GLI3: variants seen among roughly 807,000 people sequenced by gnomAD.
GLI3 encodes transcription activator GLI3.
In GLI3, 20 loss-of-function variants were observed where a neutral mutation model predicts 100.8. The ratio of observed to expected loss-of-function variants is 0.20; its 90% confidence interval spans 0.14 to 0.29. The LOEUF is 0.29. Among genes scored for constraint, GLI3 ranks in the 10% least tolerant of loss-of-function variants. GLI3 has a pLI of 1.00. For missense variants in GLI3, 2,040 were observed against 2,128.5 expected, an observed-to-expected ratio of 0.96 and a Z score of 0.82; for synonymous variants, 938 against 860.5, an observed-to-expected ratio of 1.09 and a Z score of -1.58.
chr7:42,165,985 G>A (rs990344668), intron 2 of GLI3, among the ~76,000 whole-genome samples: 1 of 152,242 alleles, frequency 6.6e-6, no homozygotes. Flanking sequence ...TAAAAGTTAC[G>A]GTGTTCCGTA....
chr7:42,182,664 A>ATATATATATACATGTGTGTGTGTG (rs1787629075), intron 2 of GLI3, among the ~76,000 whole-genome samples: 1 of 78,328 alleles, frequency 1.3e-5, no homozygotes, highest in Non-Finnish European at 2.5e-5. Context: ...ATATATATAT[A>ATATATATATACATGTGTGTGTGTG]TATATATATA....
intron 3 of GLI3, among the ~76,000 whole-genome samples, chr7:42,128,725 G>T (rs1302713303): frequency 6.6e-6 from 1 of 152,172 alleles, no homozygotes; most frequent in Non-Finnish European, 1.5e-5. Context: ...TGGTATGTCA[G>T]TATTTTTTTT....
chr7:42,215,767 C>A (rs765854592), intron 2 of GLI3, among the ~76,000 whole-genome samples: 2 of 152,138 alleles, frequency 1.3e-5, no homozygotes, highest in Non-Finnish European at 2.9e-5. Flanking sequence ...CCAACTTGTG[C>A]CAATTTCAGG....
chr7:42,072,360 A>G (rs2128750606), intron 4 of GLI3, among the ~76,000 whole-genome samples: 1 of 152,350 alleles, frequency 6.6e-6, no homozygotes, highest in African/African-American at 2.4e-5. Flanking sequence ...CCCAAGAAAA[A>G]TCCAAAATGA....
chr7:42,037,148 A>C (rs968281411), intron 7 of GLI3, among the ~76,000 whole-genome samples: 2 of 150,594 alleles, frequency 1.3e-5, no homozygotes, highest in South Asian at 4.2e-4. Context: ...CTCAAAAAAA[A>C]ATAATAATAA....
intron 10 of GLI3, among the ~76,000 whole-genome samples, chr7:42,017,160 A>G (rs1283231067): frequency 6.6e-6 from 1 of 152,242 alleles, no homozygotes; most frequent in Non-Finnish European, 1.5e-5. Flanking sequence ...GCTATAGGCA[A>G]GCATATTCAA....
chr7:42,040,327 A>G, intron 6 of GLI3, 88 bp from the exon 7 acceptor site: 2 of 998,718 alleles, frequency 2.0e-6, no homozygotes, highest in South Asian at 2.7e-5. Context: ...GGAAGAAGTG[A>G]AGGATAAGAA....
chr7:41,985,866 G>A (rs1000569154), intron 10 of GLI3, among the ~76,000 whole-genome samples: 1 of 152,142 alleles, frequency 6.6e-6, no homozygotes, highest in African/African-American at 2.4e-5. Flanking sequence ...ATATCAATGT[G>A]CACTTTAATT....
At chr7:42,206,291 CAAT>C (rs200574285) in intron 2 of GLI3, among the ~76,000 whole-genome samples, 1,918 of 150,446 alleles carry the variant, frequency 0.013, 21 homozygotes, top group African/African-American at 0.035. Flanking sequence ...ATAATAATAA[CAAT>C]AATAATAATA....
At chr7:41,992,368 C>T (rs1020274814) in intron 10 of GLI3, among the ~76,000 whole-genome samples, 2 of 152,152 alleles carry the variant, frequency 1.3e-5, no homozygotes, top group African/African-American at 2.4e-5. Flanking sequence ...GACGATTACC[C>T]TTCTGTGTGG....
intron 2 of GLI3, among the ~76,000 whole-genome samples, chr7:42,155,396 G>A (rs761297702): frequency 2.7e-4 from 40 of 148,888 alleles, no homozygotes; most frequent in Non-Finnish European, 5.5e-4. Flanking sequence ...CCAAGATCAC[G>A]CCATTGCACT....
At chr7:42,182,861 C>T (rs954211056) in intron 2 of GLI3, among the ~76,000 whole-genome samples, 6 of 151,456 alleles carry the variant, frequency 4.0e-5, no homozygotes, top group South Asian at 2.1e-4. Flanking sequence ...GTGCGCAGAT[C>T]GTTTGAGGCC....
chr7:42,023,210 G>C (rs562968965), intron 10 of GLI3, among the ~76,000 whole-genome samples: 3 of 152,190 alleles, frequency 2.0e-5, no homozygotes, highest in African/African-American at 7.2e-5. Flanking sequence ...ACTCAAAATA[G>C]TGTTTTCTGG....
chr7:42,040,927 C>G (rs1236471986), intron 6 of GLI3, among the ~76,000 whole-genome samples: 1 of 152,014 alleles, frequency 6.6e-6, no homozygotes, highest in African/African-American at 2.4e-5. Flanking sequence ...AAGAATGCTG[C>G]AGAACACCCT....
chr7:42,026,572 A>C (rs1000468399), intron 7 of GLI3, among the ~76,000 whole-genome samples, 160 bp from the exon 8 acceptor site: 5 of 152,264 alleles, frequency 3.3e-5, no homozygotes, highest in African/African-American at 1.2e-4. Context: ...AACTTCTAAG[A>C]GAAAGATGAA....
intron 3 of GLI3, among the ~76,000 whole-genome samples, chr7:42,077,384 T>TTA (rs35245217): frequency 0.46 from 68,861 of 149,228 alleles, 16,034 homozygotes; most frequent in East Asian, 0.54. Context: ...TTTTTTTTTT[T>TTA]AACTTAAATA....
intron 10 of GLI3, among the ~76,000 whole-genome samples, chr7:41,979,337 A>G (rs1241305813): frequency 6.6e-6 from 1 of 152,240 alleles, no homozygotes; most frequent in Non-Finnish European, 1.5e-5. Context: ...AAAGAATTAT[A>G]CTGAGGAAGA....
At chr7:42,080,516 T>C (rs970196968) in intron 3 of GLI3, among the ~76,000 whole-genome samples, 7 of 152,218 alleles carry the variant, frequency 4.6e-5, no homozygotes, top group Non-Finnish European at 8.8e-5. Flanking sequence ...TTCTCCTGGA[T>C]TGCAGAAGTC....
chr7:42,232,994 AG>A (rs1788724152), intron 1 of GLI3, among the ~76,000 whole-genome samples: 1 of 152,210 alleles, frequency 6.6e-6, no homozygotes, highest in South Asian at 2.1e-4. Context: ...AAGTGGAAAA[AG>A]TCTCTCATTT....
Sources: allele counts gnomAD v4.1 joint callset (sites outside exome capture counted in the v4.1 genomes callset), GRCh38; gene constraint gnomAD v4.1.1; transcripts MANE v1.5; gene names NCBI Gene and HGNC (gene_info 2026-07-23, HGNC 2026-07-21).